Variants in CRAT observed in about 807,000 individuals in gnomAD.
The protein encoded by CRAT is carnitine acetylase.
A neutral mutation model predicts 73.7 loss-of-function variants in CRAT; 66 were observed. The ratio of observed to expected loss-of-function variants is 0.90; its 90% CI spans 0.73 to 1.10. The LOEUF is 1.10. CRAT is among the 50% of genes least tolerant of loss of function. The pLI is 0.00. For missense variants in CRAT, 745 were observed against 846.9 expected, an observed-to-expected ratio of 0.88 and a Z score of 1.49; for synonymous variants, 321 against 343.2, an observed-to-expected ratio of 0.94 and a Z score of 0.71.
intron 3 of CRAT, 97 bp downstream of exon 3, chr9:129,104,091 C>A: frequency 1.4e-6 from 1 of 729,358 alleles, no homozygotes; most frequent in Non-Finnish European, 2.3e-6. Context: ...GCTTGTGGGG[C>A]AGAAAGATAA....
Position 129,107,767 on chromosome 9 carries a change from T to C in CRAT, c.291+47A>G. ...CAGAGCAGTGGGCACTGGAGAACTG[T>C]GCATGTGCAGCCAGCAGCAGGTCAC... On this transcript the variant is annotated intron_variant, in intron 2 of 13. Transcript: ENST00000318080. The surrounding 1 kb of genome is among the most constrained non-coding windows in gnomAD (Gnocchi z 5.0). The C allele has an allele frequency of 1.2e-6, 2 of 1,612,998 alleles. No individual in the cohort carries two copies. The highest frequency in any genetic ancestry group is 1.7e-6 in the Non-Finnish European group (2 of 1,179,966).
chr9:129,101,172 A>C (rs763022837), intron 6 of CRAT, among the ~76,000 whole-genome samples: 56 of 152,194 alleles, frequency 3.7e-4, no homozygotes, highest in Non-Finnish European at 6.6e-4. Flanking sequence ...CCTAACCATG[A>C]GGTGTCCTCA....
In CRAT at chr9:129,106,039, G is replaced by A. The variant is rs1053355652; in HGVS notation, c.292-1733C>T. Among the ~76,000 whole-genome samples, 4 of 152,058 alleles carry A rather than the reference G, an allele frequency of 2.6e-5. No individual in the cohort carries two copies. The highest frequency in any genetic ancestry group is 4.4e-5 in the Non-Finnish European group (3 of 68,008). ...CCCCCAGAGACCTGGGCCCACCTGC[G>A]CCCCCTCAACCCGTGGTGAACAGCA... On this transcript the variant is annotated intron_variant, in intron 2 of 13. Coordinates refer to ENST00000318080, the MANE Select transcript of CRAT (RefSeq NM_000755.5). The surrounding 1 kb of genome is among the most constrained non-coding windows in gnomAD (Gnocchi z 4.0).
In CRAT at chr9:129,101,923, G is replaced by T; in HGVS notation, c.765C>A (p.His255Gln). Residue 255 changes from histidine to glutamine, a missense_variant, in exon 6 of 14, where the codon CAC (histidine) becomes CAA (glutamine). Physicochemically the swap from His to Gln is conservative, Grantham distance 24 (BLOSUM62 0). Coordinates refer to ENST00000318080, the MANE Select transcript of CRAT (RefSeq NM_000755.5). ...KEPVGILTSN[H>Q]RNSWAKAYNT... ...TGTATGCCTTGGCCCAGGAGTTGCG[G>T]TGGTTGGAGGTGAGGATGCCCACAG... 1 of 1,614,198 alleles carries T rather than the reference G, an allele frequency of 6.2e-7. No homozygotes were observed. The highest frequency in any genetic ancestry group is 8.5e-7 in the Non-Finnish European group (1 of 1,180,022).
chr9:129,095,188 C>G lies in CRAT; in HGVS notation c.*209G>C, dbSNP rs564381366. On this transcript the variant is annotated 3_prime_UTR_variant, in exon 14 of 14. Transcript: ENST00000318080. Reference sequence around the variant, plus strand: ...TCAGCCTCTGCACTCAGCCCCAGGTCGGGCCCTGGCAGGTGCTGGGATGAC... The same window carrying G: ...TCAGCCTCTGCACTCAGCCCCAGGTGGGGCCCTGGCAGGTGCTGGGATGAC... The G allele has an allele frequency of 6.6e-6, 4 of 610,026 alleles. No homozygotes were observed. Among genetic ancestry groups the G allele is most frequent in the East Asian group, 2.8e-5 (1 of 36,010 alleles). The allele number at this position is 610,026 out of a possible 1,614,324, so 37.8% of individuals were successfully genotyped here. A position where few individuals can be genotyped will look rare whatever the true frequency, so the allele number is the denominator to read the frequency against.
intron 5 of CRAT, 32 bp from the exon 6 acceptor site, chr9:129,102,089 G>C (rs1410974999): frequency 6.2e-7 from 1 of 1,604,636 alleles, no homozygotes; most frequent in East Asian, 2.2e-5. Context: ...AGAGGAGGGA[G>C]CTGAGTGGGG....
At chr9:129,097,427 G>A in intron 11 of CRAT, 115 bp from the exon 12 acceptor site, 1 of 778,664 alleles carries the variant, frequency 1.3e-6, no homozygotes, top group South Asian at 2.0e-5. Context: ...GAAATATTGG[G>A]GCTGGGAGCG....
chr9:129,098,489 C>T (rs1293979286), intron 9 of CRAT, 42 bp downstream of exon 9: 5 of 1,593,998 alleles, frequency 3.1e-6, no homozygotes, highest in Non-Finnish European at 4.3e-6. Flanking sequence ...AAGGGCCTGG[C>T]CTCACCCATC....
In CRAT at chr9:129,110,467, G is replaced by A; in HGVS notation, c.27+16C>T. Reference sequence around the variant, plus strand: ...GGCCGTCCAGGGCCCTCAGGCCCGGGATCCGCCGCACTCACCACGGTCCTG... The same window carrying A: ...GGCCGTCCAGGGCCCTCAGGCCCGGAATCCGCCGCACTCACCACGGTCCTG... On this transcript the variant is annotated intron_variant, in intron 1 of 13. Transcript: ENST00000318080. The surrounding 1 kb of genome is among the most constrained non-coding windows in gnomAD (Gnocchi z 5.3). 1.3e-6 allele frequency: 2 copies of A among 1,578,968 alleles called. No individual in the cohort carries two copies. The highest frequency in any genetic ancestry group is 1.7e-6 in the Non-Finnish European group (2 of 1,169,962).
At position 129,106,200 on chromosome 9, in the gene CRAT, G is replaced by C. The variant is rs1358869003; in HGVS notation, c.291+1614C>G. 6.6e-6 allele frequency among the ~76,000 whole-genome samples: 1 copy of C among 152,216 alleles called. No individual in the cohort carries two copies. The highest frequency in any genetic ancestry group is 6.5e-5 in the Admixed American group (1 of 15,288). On this transcript the variant is annotated intron_variant, in intron 2 of 13. Coordinates refer to ENST00000318080, the MANE Select transcript of CRAT (RefSeq NM_000755.5). The surrounding 1 kb of genome is among the most constrained non-coding windows in gnomAD (Gnocchi z 4.0). ...TCCCCAAGTTGTACAACAGGTGACT[G>C]GTAGCCCCTAAGAACTGGGTCCCTG... is the stretch of plus-strand genomic sequence containing the variant.
At position 129,106,989 on chromosome 9, in the gene CRAT, C is replaced by T. The variant is rs746345983; in HGVS notation, c.291+825G>A. On this transcript the variant is annotated intron_variant, in intron 2 of 13. Coordinates refer to ENST00000318080, the MANE Select transcript of CRAT (RefSeq NM_000755.5). The surrounding 1 kb of genome is among the most constrained non-coding windows in gnomAD (Gnocchi z 4.0). The stretch of plus-strand genomic sequence containing the variant: ...CTCCTTGGGGGTGATGTCACCCCTC[C>T]CCCTCGCCTCTGGCTTCCACTCTGC... Among the ~76,000 whole-genome samples, 1 of 152,126 alleles carries T rather than the reference C, an allele frequency of 6.6e-6. No homozygotes were observed. The highest frequency in any genetic ancestry group is 1.5e-5 in the Non-Finnish European group (1 of 68,006).
At chr9:129,102,341 G>T in intron 5 of CRAT, 59 bp downstream of exon 5, 1 of 1,602,120 alleles carries the variant, frequency 6.2e-7, no homozygotes, top group Non-Finnish European at 8.5e-7. Flanking sequence ...GACTGCGGCC[G>T]TCCGGCTGTA....
At chr9:129,108,791 A>T (rs749159243) in intron 1 of CRAT, 1 of 1,304,172 alleles carries the variant, frequency 7.7e-7, no homozygotes, top group Non-Finnish European at 1.0e-6. Flanking sequence ...GTCCTCCTCC[A>T]TGGCAGGACT....
Position 129,107,652 on chromosome 9 carries a change from T to A in CRAT, c.291+162A>T, listed in dbSNP as rs777754881. ...ATGTTAGCTCCAAGGAGCTGGTGAC[T>A]GTGTCCTTCTTGATCACCCAGCACC... On this transcript the variant is annotated intron_variant, in intron 2 of 13. Coordinates refer to ENST00000318080, the MANE Select transcript of CRAT (RefSeq NM_000755.5). This position sits in a 1 kb window ranked among gnomAD's most constrained non-coding sequence, Gnocchi z 5.0. 3.2e-6 allele frequency: 3 copies of A among 928,302 alleles called. No homozygotes were observed. The African/African-American group carries it at 4.9e-5, about 15-fold the overall frequency. 57.5% of individuals were successfully genotyped at this position (928,302 alleles called of 1,614,324 possible). A position where few individuals can be genotyped will look rare whatever the true frequency, so the allele number is the denominator to read the frequency against.
rs1423946381 is a variant in CRAT, at chr9:129,100,596, T to C, written c.899A>G (p.Tyr300Cys). The C allele has an allele frequency of 6.2e-7, 1 of 1,614,038 alleles. No homozygotes were observed. Among genetic ancestry groups the C allele is most frequent in the Admixed American group, 1.7e-5 (1 of 60,016 alleles). ...ATMPRVSEDVYRSHVAGQMLH... is the reference protein window; with the variant it reads ...ATMPRVSEDVCRSHVAGQMLH... ...CATCTGGCCTGCCACGTGGCTGCGG[T>C]ACACGTCTTCTGAGACCCTGGGCAT... The change falls in exon 7 of 14, where the codon TAC becomes TGC. Residue 300 changes from tyrosine to cysteine, a missense_variant. Tyr to Cys is a radical substitution (Grantham distance 194). Transcript: ENST00000318080.
chr9:129,097,753 T>C (rs1277500399), intron 11 of CRAT: 1 of 488,042 alleles, frequency 2.0e-6, no homozygotes, highest in Non-Finnish European at 3.6e-6. Flanking sequence ...AACTACCAAC[T>C]CCTTGGTCCT....
chr9:129,097,953 G>C, intron 11 of CRAT, 60 bp downstream of exon 11: 3 of 1,587,378 alleles, frequency 1.9e-6, no homozygotes, highest in Non-Finnish European at 1.7e-6. Flanking sequence ...TGTGTTGACT[G>C]AGTGAGCAGG....
chr9:129,096,522 C>CGGTCAGAGCCTGGACACACAGGT (rs1847292654), intron 12 of CRAT, among the ~76,000 whole-genome samples: 1 of 152,236 alleles, frequency 6.6e-6, no homozygotes, highest in African/African-American at 2.4e-5. Flanking sequence ...GCATGTAGCA[C>CGGTCAGAGCCTGGACACACAGGT]GGTCAGAGCC....
rs1359160429 is a variant in CRAT at position 129,104,838 on chromosome 9, T to G, written c.292-532A>C. 3.3e-5 allele frequency among the ~76,000 whole-genome samples: 5 copies of G among 150,298 alleles called. No homozygotes were observed. The East Asian group carries it at 9.9e-4, about 30-fold the overall frequency. On this transcript the variant is annotated intron_variant, in intron 2 of 13. Coordinates refer to ENST00000318080, the MANE Select transcript of CRAT (RefSeq NM_000755.5). ...CCAGGATGGTCTCGATTTCCTGACC[T>G]CATGATCCGCCCGCCTTGGCCTCCC...
Sources: allele counts gnomAD v4.1 joint callset (sites outside exome capture counted in the v4.1 genomes callset), GRCh38; gene constraint gnomAD v4.1.1; non-coding constraint Gnocchi (gnomAD v3.1); transcripts MANE v1.5; gene names NCBI Gene and HGNC (gene_info 2026-07-23, HGNC 2026-07-21).